Variants in TRANK1 observed in about 807,000 individuals in gnomAD.
The protein encoded by TRANK1 is tetratricopeptide repeat and ankyrin repeat containing 1.
Under a neutral mutation model 266.0 loss-of-function variants are expected in TRANK1, and 198 were observed. The observed-to-expected ratio is 0.74, with a 90% CI of 0.66 to 0.84. The LOEUF (loss-of-function observed/expected upper bound fraction) is 0.84. Among genes scored for constraint, TRANK1 ranks in the 40% least tolerant of loss-of-function variants. The pLI is 0.00. For synonymous variants in TRANK1, 1,396 were observed against 1,384.1 expected, an observed-to-expected ratio of 1.01 and a Z score of -0.19; for missense variants, 3,326 against 3,634.6, an observed-to-expected ratio of 0.92 and a Z score of 2.18.
chr3:36,938,370 C>T lies in TRANK1; in HGVS notation c.23+6417G>A, dbSNP rs372111536. Among the ~76,000 whole-genome samples the T allele has an allele frequency of 7.9e-4, 120 of 152,184 alleles. 1 individual carries two copies. The highest frequency in any genetic ancestry group is 2.5e-3 in the African/African-American group (104 of 41,526). On this transcript the variant is annotated intron_variant, in intron 1 of 23. Transcript: ENST00000645898. ...AGTAGCTGGGATTACAGGCGCCCGC[C>T]ACCATGCCCAGCTAATTTTTGTATT...
intron 9 of TRANK1, among the ~76,000 whole-genome samples, chr3:36,871,671 C>A (rs2079312084): frequency 6.6e-6 from 1 of 152,026 alleles, no homozygotes; most frequent in African/African-American, 2.4e-5. Flanking sequence ...AAAGAACACC[C>A]ATGAAAAGGA....
Position 36,832,003 on chromosome 3 carries a change from G to C in TRANK1, c.7580C>G (p.Ser2527Cys), listed in dbSNP as rs201935836. 3.7e-4 allele frequency: 591 copies of C among 1,613,906 alleles called. No individual in the cohort carries two copies. Among genetic ancestry groups the C allele is most frequent in the Non-Finnish European group, 4.9e-4 (580 of 1,179,918 alleles). The change falls in exon 22 of 24, where the codon TCC becomes TGC. Residue 2527 changes from serine to cysteine, a missense_variant. Ser to Cys is a moderately radical substitution (Grantham distance 112, BLOSUM62 -1). Transcript: ENST00000645898. ...RAIQDFRFHL[S>C]YLAKVLCGYE... ...GCCACATAGCACCTTGGCGAGGTAGGAGAGATGGAACCGGAAATCCTGAAT... is the reference window on the plus strand; with the variant it reads ...GCCACATAGCACCTTGGCGAGGTAGCAGAGATGGAACCGGAAATCCTGAAT...
intron 1 of TRANK1, among the ~76,000 whole-genome samples, chr3:36,926,149 A>C (rs544773734): frequency 6.1e-4 from 92 of 151,794 alleles, no homozygotes; most frequent in Middle Eastern, 6.8e-3. Context: ...TTTTTCTTAT[A>C]CTCTTTACAG....
chr3:36,940,134 C>A (rs2125672595), intron 1 of TRANK1, among the ~76,000 whole-genome samples: 1 of 151,946 alleles, frequency 6.6e-6, no homozygotes, highest in South Asian at 2.1e-4. Context: ...ATCTACCCGC[C>A]TCAGCCTCCC....
rs1575253722 is a variant in TRANK1 at position 36,880,360 on chromosome 3, G to A, written c.908-6064C>T. On this transcript the variant is annotated intron_variant, in intron 8 of 23. Coordinates refer to ENST00000645898, the MANE Select transcript of TRANK1 (RefSeq NM_001329998.2). The stretch of plus-strand genomic sequence containing the variant: ...TCTGTGGCACCAATTATTCTTTCAG[G>A]ATTAAGACCTCTAGCCAGCCCTCTT... The A allele has an allele frequency of 1.3e-5, 5 of 396,528 alleles. No individual in the cohort carries two copies. In the East Asian group the frequency reaches 4.5e-4, roughly 36 times the overall value. 24.6% of individuals were successfully genotyped at this position (396,528 alleles called of 1,614,324 possible).
intron 1 of TRANK1, among the ~76,000 whole-genome samples, chr3:36,913,939 A>T (rs998142053): frequency 6.6e-6 from 1 of 152,064 alleles, no homozygotes; most frequent in Non-Finnish European, 1.5e-5. Flanking sequence ...TTCCTCATTT[A>T]TTTACAGCCT....
chr3:36,892,166 G>C (rs2079707424), intron 7 of TRANK1, 36 bp downstream of exon 7: 1 of 1,532,430 alleles, frequency 6.5e-7, no homozygotes, highest in African/African-American at 1.4e-5. Flanking sequence ...GGCTAGAAGG[G>C]CAGCTTGGAG....
At position 36,834,879 on chromosome 3, in the gene TRANK1, C is replaced by T. The variant is rs569218559; in HGVS notation, c.5546G>A (p.Arg1849Gln). The change falls in exon 21 of 24, where the codon CGA becomes CAA. Residue 1849 changes from arginine (R) to glutamine (Q), a missense_variant. Transcript: ENST00000645898. The stretch of plus-strand genomic sequence containing the variant: ...GAAAGCGTCTTTGTAGCACTGGCTT[C>T]GCTTATAGAAATAGGCAGCATCTCT... Reference protein sequence around the residue: ...KIRDAAYFYKRSQCYKDAFRC... With the variant: ...KIRDAAYFYKQSQCYKDAFRC... 20 of 1,612,254 alleles carry T rather than the reference C, an allele frequency of 1.2e-5. No individual in the cohort carries two copies. Among genetic ancestry groups the T allele is most frequent in the African/African-American group, 1.1e-4 (8 of 74,804 alleles).
intron 4 of TRANK1, among the ~76,000 whole-genome samples, chr3:36,896,502 C>T (rs564922189): frequency 4.2e-4 from 64 of 152,278 alleles, no homozygotes; most frequent in Non-Finnish European, 7.6e-4. Flanking sequence ...CTGGGCGACG[C>T]CAATTTCTTT....
At chr3:36,875,993 T>A (rs1464004929) in intron 8 of TRANK1, among the ~76,000 whole-genome samples, 1 of 152,242 alleles carries the variant, frequency 6.6e-6, no homozygotes, top group Non-Finnish European at 1.5e-5. Context: ...TACAAAATTA[T>A]ACAAAATTCC....
At position 36,834,752 on chromosome 3, in the gene TRANK1, A is replaced by T; in HGVS notation, c.5663+10T>A. The T allele has an allele frequency of 6.2e-7, 1 of 1,609,132 alleles. No homozygotes were observed. The stretch of plus-strand genomic sequence containing the variant: ...AGAGAGGGAGAAAGGGAGAGAATAA[A>T]ACCACCTACTTTTCCACTGCAATAG... On this transcript the variant is annotated intron_variant, in intron 21 of 23. Transcript: ENST00000645898.
chr3:36,832,043 C>T lies in TRANK1; in HGVS notation c.7540G>A (p.Asp2514Asn). 6.2e-7 allele frequency: 1 copy of T among 1,614,036 alleles called. No individual in the cohort carries two copies. The highest frequency in any genetic ancestry group is 8.5e-7 in the Non-Finnish European group (1 of 1,179,900). ...AAATCCTGAATGGCTCTTGTCACGT[C>T]CTTGGGTTTGTATTCCTGAATGATG... ...FSIIQEYKPK[D>N]VTRAIQDFRF... The change falls in exon 22 of 24, where the codon GAC becomes AAC. Residue 2514 changes from aspartate to asparagine, a missense_variant. Coordinates refer to ENST00000645898, the MANE Select transcript of TRANK1 (RefSeq NM_001329998.2).
At chr3:36,941,855 G>T (rs1407380416) in intron 1 of TRANK1, among the ~76,000 whole-genome samples, 1 of 152,150 alleles carries the variant, frequency 6.6e-6, no homozygotes, top group Non-Finnish European at 1.5e-5. Flanking sequence ...AAGGAAATTT[G>T]TTTTAAAAGC....
intron 15 of TRANK1, among the ~76,000 whole-genome samples, chr3:36,847,659 G>T (rs1442049717): frequency 6.6e-6 from 1 of 152,170 alleles, no homozygotes; most frequent in African/African-American, 2.4e-5. Context: ...TCTACAATCA[G>T]TATGGACAGG....
intron 11 of TRANK1, 80 bp from the exon 12 acceptor site, chr3:36,858,974 T>C: frequency 7.1e-7 from 1 of 1,401,914 alleles, no homozygotes; most frequent in Non-Finnish European, 9.4e-7. Flanking sequence ...GCTTCAGTTA[T>C]TCAGTTGCAA....
At chr3:36,910,635 G>A (rs2080038202) in intron 1 of TRANK1, among the ~76,000 whole-genome samples, 1 of 152,144 alleles carries the variant, frequency 6.6e-6, no homozygotes, top group Non-Finnish European at 1.5e-5. Context: ...AGCTACTCGG[G>A]AGGCTGAGGC....
intron 2 of TRANK1, 86 bp from the exon 3 acceptor site, chr3:36,903,361 C>T (rs1575291961): frequency 6.8e-7 from 1 of 1,463,360 alleles, no homozygotes; most frequent in Non-Finnish European, 9.1e-7. Flanking sequence ...CTGGCTGCTG[C>T]CATCAGGAAG....
intron 8 of TRANK1, among the ~76,000 whole-genome samples, chr3:36,882,174 G>C (rs2079541325): frequency 6.6e-6 from 1 of 152,200 alleles, no homozygotes; most frequent in South Asian, 2.1e-4. Context: ...TTCCAAAGCA[G>C]ATGCACCATT....
chr3:36,901,917 C>G (rs1015817762), intron 3 of TRANK1, among the ~76,000 whole-genome samples: 5 of 152,206 alleles, frequency 3.3e-5, no homozygotes, highest in Admixed American at 6.5e-5. Flanking sequence ...AATATTAATA[C>G]TGTCCCAGCG....
Sources: allele counts gnomAD v4.1 joint callset (sites outside exome capture counted in the v4.1 genomes callset), GRCh38; gene constraint gnomAD v4.1.1; transcripts MANE v1.5; gene names NCBI Gene and HGNC (gene_info 2026-07-23, HGNC 2026-07-21).